Variants in IFT52 observed in about 807,000 individuals in gnomAD.
IFT52 encodes intraflagellar transport protein 52 homolog.
In IFT52, 44 loss-of-function variants were observed where a neutral mutation model predicts 54.4. That is an observed-to-expected ratio of 0.81 (90% CI 0.63 to 1.04). IFT52 has a LOEUF of 1.04. IFT52 is among the 50% of genes least tolerant of loss of function. The pLI, the probability that IFT52 is intolerant of heterozygous loss-of-function variation, is 0.00. For missense variants in IFT52, 452 were observed against 523.6 expected, an observed-to-expected ratio of 0.86 and a Z score of 1.33; for synonymous variants, 181 against 185.3, an observed-to-expected ratio of 0.98 and a Z score of 0.19.
rs148201274 is a variant in IFT52, at chr20:43,603,880, G to A, written c.328G>A (p.Val110Ile). The A allele has an allele frequency of 1.4e-6, 2 of 1,460,260 alleles. No individual in the cohort carries two copies. The highest frequency in any genetic ancestry group is 1.4e-5 in the African/African-American group (1 of 71,240). The allele number at this position is 1,460,260 out of a possible 1,614,324, so 90.5% of individuals were successfully genotyped here. The change falls in exon 4 of 14, where the codon GTT becomes ATT. Residue 110 changes from valine to isoleucine, a missense_variant. By Grantham distance (29) the Val-to-Ile change is conservative. Transcript: ENST00000373030. ...NFLLEEYGIM[V>I]NNDAVVRNVY... ...TTTACTAGAAGAATATGGAATCATG[G>A]TTAATAATGGTAATTAGTATTATTA...
intron 6 of IFT52, among the ~76,000 whole-genome samples, chr20:43,608,975 C>T (rs1364824739): frequency 1.3e-5 from 2 of 151,708 alleles, no homozygotes; most frequent in Non-Finnish European, 2.9e-5. Flanking sequence ...GTGGCTCACA[C>T]CTATAATCCC....
intron 7 of IFT52, among the ~76,000 whole-genome samples, chr20:43,618,585 G>A (rs964289018): frequency 7.9e-5 from 12 of 151,946 alleles, no homozygotes; most frequent in African/African-American, 2.9e-4. Context: ...AAGTTCAAGC[G>A]ATTTCCCTGC....
chr20:43,596,400 G>A lies in IFT52; in HGVS notation c.120-35G>A, dbSNP rs765928775. ...TAATACATAAATTGGTTTAAATTAT[G>A]GACTTCATATTTGCTTTTAAAATTG... On this transcript the variant is annotated intron_variant, in intron 2 of 13. Transcript: ENST00000373030. 4 of 1,340,608 alleles carry A rather than the reference G, an allele frequency of 3.0e-6. No homozygotes were observed. In the Admixed American group the frequency reaches 7.4e-5, roughly 25 times the overall value. The allele number at this position is 1,340,608 out of a possible 1,614,324, so 83.0% of individuals were successfully genotyped here. A position where few individuals can be genotyped will look rare whatever the true frequency, so the allele number is the denominator to read the frequency against.
intron 7 of IFT52, among the ~76,000 whole-genome samples, chr20:43,616,623 C>T (rs1357650970): frequency 6.6e-6 from 1 of 151,970 alleles, no homozygotes; most frequent in Non-Finnish European, 1.5e-5. Flanking sequence ...TACTCCAAGA[C>T]TCTAAGACAG....
At chr20:43,622,844 A>T (rs2145639931) in intron 9 of IFT52, among the ~76,000 whole-genome samples, 1 of 150,516 alleles carries the variant, frequency 6.6e-6, no homozygotes, top group Admixed American at 6.7e-5. Flanking sequence ...GTAAATATAA[A>T]TATATACATA....
intron 9 of IFT52, among the ~76,000 whole-genome samples, chr20:43,622,856 A>G (rs751120399): frequency 5.6e-4 from 84 of 149,230 alleles, no homozygotes; most frequent in Non-Finnish European, 1.0e-3. Flanking sequence ...ATATACATAT[A>G]TTTAACCACT....
rs1479909305 is a variant in IFT52 at position 43,622,791 on chromosome 20, C to A, written c.769-1100C>A. On this transcript the variant is annotated intron_variant, in intron 9 of 13. Coordinates refer to ENST00000373030, the MANE Select transcript of IFT52 (RefSeq NM_016004.5). ...AATTGTGTGTAAATATAAATATATACATATTTTTATATGTAAATATAAATA... is the reference window on the plus strand; with the variant it reads ...AATTGTGTGTAAATATAAATATATAAATATTTTTATATGTAAATATAAATA... Among the ~76,000 whole-genome samples the A allele has an allele frequency of 8.5e-5, 12 of 140,582 alleles. 2 individuals are homozygous for A. Among genetic ancestry groups the A allele is most frequent in the Non-Finnish European group, 1.1e-4 (7 of 65,678 alleles). 92.2% of individuals were successfully genotyped at this position (140,582 alleles called of 152,430 possible).
chr20:43,594,378 A>T lies in IFT52; in HGVS notation c.-6-315A>T, dbSNP rs112389755. Among the ~76,000 whole-genome samples the T allele has an allele frequency of 7.7e-4, 117 of 152,248 alleles. 1 individual carries two copies. Among genetic ancestry groups the T allele is most frequent in the African/African-American group, 2.6e-3 (108 of 41,566 alleles). On this transcript the variant is annotated intron_variant, in intron 1 of 13. Coordinates refer to ENST00000373030, the MANE Select transcript of IFT52 (RefSeq NM_016004.5). ...CAGTAGTTAGCAGTAATGAATCAGG[A>T]TGGAAACATGGTCTTGGGACACAAG... is the stretch of plus-strand genomic sequence containing the variant.
chr20:43,628,805 C>G (rs566016428), intron 10 of IFT52, among the ~76,000 whole-genome samples: 1 of 151,680 alleles, frequency 6.6e-6, no homozygotes, highest in South Asian at 2.1e-4. Flanking sequence ...GAGCCGAGAT[C>G]GCGCCACTGC....
At chr20:43,600,920 G>A (rs924138960) in intron 3 of IFT52, among the ~76,000 whole-genome samples, 3 of 152,058 alleles carry the variant, frequency 2.0e-5, no homozygotes, top group Non-Finnish European at 2.9e-5. Flanking sequence ...GCAGTGAGCC[G>A]AGATCGAGCC....
chr20:43,619,215 T>TGA (rs147860962), intron 8 of IFT52, among the ~76,000 whole-genome samples, 189 bp downstream of exon 8: 5 of 151,680 alleles, frequency 3.3e-5, no homozygotes, highest in South Asian at 2.1e-4. Context: ...TGTAATACAC[T>TGA]GAGAGAGAGA....
chr20:43,622,470 GCAGGCAC>G (rs1984375591), intron 9 of IFT52, among the ~76,000 whole-genome samples: 1 of 151,632 alleles, frequency 6.6e-6, no homozygotes, highest in African/African-American at 2.4e-5. Context: ...GGGCATGGTG[GCAGGCAC>G]CTGTAGTCCC....
intron 1 of IFT52, among the ~76,000 whole-genome samples, chr20:43,591,988 G>A (rs1405007857): frequency 2.6e-5 from 4 of 152,308 alleles, no homozygotes; most frequent in Middle Eastern, 3.4e-3. Context: ...TTATATAGGC[G>A]AGGTGGTACT....
Position 43,642,580 on chromosome 20 carries a change from G to C in IFT52, c.1222G>C (p.Glu408Gln). 1 of 1,614,166 alleles carries C rather than the reference G, an allele frequency of 6.2e-7. No individual in the cohort carries two copies. Among genetic ancestry groups the C allele is most frequent in the Non-Finnish European group, 8.5e-7 (1 of 1,180,028 alleles). ...KDQQDAKHIL[E>Q]HVFFQVVEFK... Reference sequence around the variant, plus strand: ...CCAACAGGATGCCAAACATATCCTTGAGCACGTCTTCTTCCAAGTGGTGGA... The same window carrying C: ...CCAACAGGATGCCAAACATATCCTTCAGCACGTCTTCTTCCAAGTGGTGGA... Residue 408 changes from glutamate to glutamine, a missense_variant, in exon 13 of 14, where the codon GAG (glutamate) becomes CAG (glutamine). By Grantham distance (29) the Glu-to-Gln change is conservative (BLOSUM62 2). Transcript: ENST00000373030.
At chr20:43,631,465 G>T (rs1985166279) in intron 10 of IFT52, among the ~76,000 whole-genome samples, 1 of 152,166 alleles carries the variant, frequency 6.6e-6, no homozygotes, top group Non-Finnish European at 1.5e-5. Flanking sequence ...GAAAAAAGCT[G>T]CCATGATCTT....
intron 6 of IFT52, among the ~76,000 whole-genome samples, chr20:43,611,557 A>T (rs1983453924): frequency 7.2e-6 from 1 of 139,350 alleles, no homozygotes; most frequent in African/African-American, 2.7e-5. Flanking sequence ...AATTCTCCTG[A>T]CTCCCGAGTA....
At chr20:43,626,432 G>T (rs975798023) in intron 10 of IFT52, among the ~76,000 whole-genome samples, 9 of 151,880 alleles carry the variant, frequency 5.9e-5, no homozygotes, top group Admixed American at 5.9e-4. Flanking sequence ...TTTTAGTAGA[G>T]TCGGGGTTTC....
rs1279524548 is a variant in IFT52, at chr20:43,594,689, T to C, written c.-6-4T>C. 1 of 1,461,706 alleles carries C rather than the reference T, an allele frequency of 6.8e-7. No homozygotes were observed. The allele number at this position is 1,461,706 out of a possible 1,614,324, so 90.5% of individuals were successfully genotyped here. ...ATTTTCTGATCCCATCTTTCTTCCA[T>C]AAGGTAACCATGGAGAAAGAGCTGC... On this transcript the variant is annotated splice_region_variant and splice_polypyrimidine_tract_variant and intron_variant, in intron 1 of 13. Transcript: ENST00000373030.
At chr20:43,639,034 G>A (rs138315442) in intron 12 of IFT52, among the ~76,000 whole-genome samples, 51 of 152,274 alleles carry the variant, frequency 3.3e-4, no homozygotes, top group African/African-American at 1.2e-3. Flanking sequence ...ATCACAGAAC[G>A]GTGAAGAAGC....
Sources: allele counts gnomAD v4.1 joint callset (sites outside exome capture counted in the v4.1 genomes callset), GRCh38; gene constraint gnomAD v4.1.1; transcripts MANE v1.5; gene names NCBI Gene and HGNC (gene_info 2026-07-23, HGNC 2026-07-21).